The following MMP20 variants were observed in gnomAD, a reference collection of about 807,000 sequenced individuals.
MMP20 encodes the protein matrix metallopeptidase 20, also known as matrix metalloproteinase-20.
MMP20 carries 50 observed loss-of-function variants against 51.8 expected under a neutral mutation model. That is an observed-to-expected ratio of 0.97 (90% CI 0.77 to 1.22). MMP20 has a LOEUF of 1.22. Ranked by LOEUF, MMP20 falls within the 50% of genes most tolerant of loss-of-function variation. The probability of loss-of-function intolerance (pLI) is 0.00; values close to 1 mark genes in which losing one functional copy is unlikely to be tolerated. For missense variants in MMP20, 663 were observed against 601.4 expected (o/e 1.10, Z -1.07); for synonymous variants, 244 against 216.2 (o/e 1.13, Z -1.13).
chr11:102,614,143 G>GATC (rs1431889710), intron 2 of MMP20, among the ~76,000 whole-genome samples: 2 of 152,200 alleles, frequency 1.3e-5, no homozygotes, highest in East Asian at 3.8e-4. Flanking sequence ...CTAAGAGGAA[G>GATC]ATCATCATCA....
chr11:102,624,598 A>G (rs866221645), intron 1 of MMP20, among the ~76,000 whole-genome samples: 7 of 152,176 alleles, frequency 4.6e-5, no homozygotes, highest in African/African-American at 1.7e-4. Context: ...TGTACTTACT[A>G]CATAAACTTT....
At chr11:102,623,094 A>G (rs777174494) in intron 1 of MMP20, among the ~76,000 whole-genome samples, 25 of 152,312 alleles carry the variant, frequency 1.6e-4, no homozygotes, top group African/African-American at 6.0e-4. Flanking sequence ...AGAGTATGTC[A>G]TAAGGGAGAC....
At position 102,577,034 on chromosome 11, in the gene MMP20, A is replaced by G. The variant is rs1190808686; in HGVS notation, c.*292T>C. On this transcript the variant is annotated 3_prime_UTR_variant, in exon 10 of 10. Transcript: ENST00000260228. ...CTGGAAATAAAAATCAAACGGATCAATCTGCTTCAGTATATTAGGTAAGAA... is the reference window on the plus strand; with the variant it reads ...CTGGAAATAAAAATCAAACGGATCAGTCTGCTTCAGTATATTAGGTAAGAA... 4 of 362,120 alleles carry G rather than the reference A, an allele frequency of 1.1e-5. No homozygotes were observed. The Admixed American group carries it at 1.3e-4, about 12-fold the overall frequency. 22.4% of individuals were successfully genotyped at this position (362,120 alleles called of 1,614,324 possible).
intron 9 of MMP20, among the ~76,000 whole-genome samples, chr11:102,578,072 A>G (rs1388717918): frequency 1.3e-5 from 2 of 152,218 alleles, no homozygotes; most frequent in Non-Finnish European, 2.9e-5. Context: ...GTTCTATTCA[A>G]CTTTCCTAGC....
Position 102,602,291 on chromosome 11 carries a change from A to G in MMP20, c.953+4244T>C, listed in dbSNP as rs189236051. Among the ~76,000 whole-genome samples the G allele has an allele frequency of 2.4e-3, 363 of 151,914 alleles. 4 individuals carry two copies. The highest frequency in any genetic ancestry group is 8.2e-3 in the African/African-American group (341 of 41,394). ...CCAAAAATGCTTTTCTTTGCCTTCTAATTTAAGACACATAACATCTTTTAA... is the reference window on the plus strand; with the variant it reads ...CCAAAAATGCTTTTCTTTGCCTTCTGATTTAAGACACATAACATCTTTTAA... On this transcript the variant is annotated intron_variant, in intron 6 of 9. Transcript: ENST00000260228.
At chr11:102,603,587 C>T (rs2135938636) in intron 6 of MMP20, among the ~76,000 whole-genome samples, 1 of 152,266 alleles carries the variant, frequency 6.6e-6, no homozygotes, top group Admixed American at 6.5e-5. Flanking sequence ...TAGTGCTTTG[C>T]ATAATAAGTA....
At chr11:102,601,125 CTTTTTT>C (rs1168517234) in intron 6 of MMP20, among the ~76,000 whole-genome samples, 3 of 28,252 alleles carry the variant, frequency 1.1e-4, no homozygotes, top group African/African-American at 3.4e-4. Flanking sequence ...GTCGGCTATT[CTTTTTT>C]TTTTTTTTTT....
At chr11:102,615,151 C>A (rs1784417) in intron 2 of MMP20, among the ~76,000 whole-genome samples, 60,594 of 144,304 alleles carry the variant, frequency 0.42, 13,028 homozygotes, top group South Asian at 0.6. Flanking sequence ...TAATAAATAA[C>A]GTATTTTATT....
Position 102,577,110 on chromosome 11 carries a change from A to T in MMP20, c.*216T>A, listed in dbSNP as rs1484009624. 1 of 534,080 alleles carries T rather than the reference A, an allele frequency of 1.9e-6. No individual in the cohort carries two copies. The highest frequency in any genetic ancestry group is 3.4e-6 in the Non-Finnish European group (1 of 297,442). 33.1% of individuals were successfully genotyped at this position (534,080 alleles called of 1,614,324 possible). Reference sequence around the variant, plus strand: ...TGCATTGTGTTGATTTGGATTTCGCATAAAGTTGCCCATATAAAAACTTTT... The same window carrying T: ...TGCATTGTGTTGATTTGGATTTCGCTTAAAGTTGCCCATATAAAAACTTTT... On this transcript the variant is annotated 3_prime_UTR_variant, in exon 10 of 10. Transcript: ENST00000260228.
chr11:102,608,896 C>T (rs776928837), intron 5 of MMP20, 41 bp downstream of exon 5: 1 of 1,602,742 alleles, frequency 6.2e-7, no homozygotes, highest in Non-Finnish European at 8.5e-7. Flanking sequence ...TGAATGCCTG[C>T]CAATTTCAGG....
At chr11:102,590,766 A>G (rs549444303) in intron 8 of MMP20, among the ~76,000 whole-genome samples, 5 of 152,316 alleles carry the variant, frequency 3.3e-5, no homozygotes, top group African/African-American at 1.2e-4. Context: ...GAGTATGGCC[A>G]TGTGCTTACC....
At chr11:102,583,929 A>T (rs926412463) in intron 8 of MMP20, among the ~76,000 whole-genome samples, 6 of 152,164 alleles carry the variant, frequency 3.9e-5, no homozygotes, top group African/African-American at 1.4e-4. Context: ...TGCTCTCAAG[A>T]TTCATCCATG....
In MMP20 at chr11:102,617,036, T is replaced by C. The variant is rs1311788141; in HGVS notation, c.150A>G (p.Thr50=). 6.2e-7 allele frequency: 1 copy of C among 1,614,116 alleles called. No homozygotes were observed. The highest frequency in any genetic ancestry group is 1.3e-5 in the African/African-American group (1 of 74,942). ...LAQAYLDKYY[T]NKEGHQIGEM... ...CACCAATCTGGTGTCCTTCTTTATTTGTGTAATATTTGTCAAGATACGCCT... is the reference window on the plus strand; with the variant it reads ...CACCAATCTGGTGTCCTTCTTTATTCGTGTAATATTTGTCAAGATACGCCT... The change falls in exon 2 of 10, where the codon ACA becomes ACG. Residue 50 remains threonine, a synonymous_variant. Transcript: ENST00000260228.
chr11:102,616,147 G>T (rs1456127909), intron 2 of MMP20, among the ~76,000 whole-genome samples: 5 of 152,150 alleles, frequency 3.3e-5, no homozygotes, highest in Admixed American at 6.5e-5. Context: ...GAAGGAGTGA[G>T]GGGAGCTTGG....
At chr11:102,615,192 A>G (rs917290666) in intron 2 of MMP20, among the ~76,000 whole-genome samples, 25 of 143,954 alleles carry the variant, frequency 1.7e-4, no homozygotes, top group African/African-American at 5.9e-4. Flanking sequence ...TTAATAATAT[A>G]TTATTAATAA....
intron 8 of MMP20, among the ~76,000 whole-genome samples, chr11:102,587,100 T>C (rs1341512694): frequency 2.6e-5 from 4 of 152,188 alleles, no homozygotes; most frequent in Admixed American, 2.6e-4. Flanking sequence ...ATAATTTTTT[T>C]CTCTGAGTGC....
At chr11:102,612,545 G>A (rs967298853) in intron 2 of MMP20, among the ~76,000 whole-genome samples, 2 of 152,002 alleles carry the variant, frequency 1.3e-5, no homozygotes, top group Admixed American at 6.6e-5. Context: ...TCTTAAAGTC[G>A]TTTTCATTGA....
intron 8 of MMP20, among the ~76,000 whole-genome samples, chr11:102,584,162 G>C (rs75294829): frequency 0.044 from 6,726 of 152,136 alleles, 219 homozygotes; most frequent in African/African-American, 0.09. Context: ...TGGAATTCTG[G>C]GTCAAATGAT....
intron 8 of MMP20, among the ~76,000 whole-genome samples, chr11:102,589,273 G>A (rs1859289122): frequency 1.3e-5 from 2 of 152,046 alleles, no homozygotes; most frequent in Admixed American, 1.3e-4. Flanking sequence ...CCTCTGTCTG[G>A]GAAACTCCTA....
Sources: gnomAD v4.1 joint callset for allele counts (sites outside exome capture counted in the v4.1 genomes callset) on GRCh38, gnomAD v4.1.1 for gene constraint, MANE v1.5 for transcripts, NCBI Gene and HGNC (gene_info 2026-07-23, HGNC 2026-07-21) for gene names.